Variants in ZNF180 observed in about 807,000 individuals in gnomAD.
ZNF180 encodes zinc finger protein 180 (HHZ168).
A neutral mutation model predicts 11.8 loss-of-function variants in ZNF180; 11 were observed. The observed-to-expected ratio is 0.93, with a 90% CI of 0.59 to 1.55. ZNF180 has a LOEUF of 1.55. ZNF180 is among the 40% of genes most tolerant of loss of function. The pLI is 0.00. For synonymous variants in ZNF180, 287 were observed against 257.7 expected (o/e 1.11, Z -1.09); for missense variants, 773 against 781.7 (o/e 0.99, Z 0.13).
rs1386974443 is a variant in ZNF180 at position 44,474,989 on chromosome 19, T to C, written c.*1413A>G. 1 of 152,234 alleles carries C rather than the reference T, an allele frequency of 6.6e-6. No individual in the cohort carries two copies. The highest frequency in any genetic ancestry group is 1.5e-5 in the Non-Finnish European group (1 of 68,042). 9.4% of individuals were successfully genotyped at this position (152,234 alleles called of 1,614,324 possible). A position where few individuals can be genotyped will look rare whatever the true frequency, so the allele number is the denominator to read the frequency against. On this transcript the variant is annotated 3_prime_UTR_variant, in exon 5 of 5. Coordinates refer to ENST00000592529, the MANE Select transcript of ZNF180 (RefSeq NM_001278509.3). The stretch of plus-strand genomic sequence containing the variant: ...CATAGGGATAGAATTTTGCTAAGGA[T>C]AACCCCATCAGTTACCCTTTAAGTT...
At chr19:44,498,501 A>G (rs1412285616) in intron 1 of ZNF180, among the ~76,000 whole-genome samples, 2 of 152,056 alleles carry the variant, frequency 1.3e-5, no homozygotes, top group East Asian at 1.9e-4. Context: ...ATTCTGACCA[A>G]ACATCTTTCG....
Position 44,476,948 on chromosome 19 carries a change from A to G in ZNF180, c.1452T>C (p.His484=), listed in dbSNP as rs777979231. The G allele has an allele frequency of 1.3e-5, 21 of 1,613,880 alleles. No individual in the cohort carries two copies. Among genetic ancestry groups the G allele is most frequent in the Middle Eastern group, 1.6e-4 (1 of 6,084 alleles). Reference sequence around the variant, plus strand: ...GTTTTTCTCCTGTGTGAGTTCTCTGATGAGCAACAAGTTTATAACTTTGAC... The same window carrying G: ...GTTTTTCTCCTGTGTGAGTTCTCTGGTGAGCAACAAGTTTATAACTTTGAC... ...SFSQSYKLVA[H]QRTHTGEKPF... The change falls in exon 5 of 5, where the codon CAT becomes CAC. Residue 484 remains histidine (H), a synonymous_variant. Coordinates refer to ENST00000592529, the MANE Select transcript of ZNF180 (RefSeq NM_001278509.3).
At chr19:44,484,650 C>T (rs1970176330) in intron 2 of ZNF180, 1 of 575,628 alleles carries the variant, frequency 1.7e-6, no homozygotes, top group Non-Finnish European at 3.1e-6. Context: ...CCACAGATAC[C>T]TGGACATGAG....
rs763705658 is a variant in ZNF180, at chr19:44,476,672, C to T, written c.1728G>A (p.Lys576=). The T allele has an allele frequency of 1.9e-6, 3 of 1,614,074 alleles. No individual in the cohort carries two copies. Among genetic ancestry groups the T allele is most frequent in the East Asian group, 2.2e-5 (1 of 44,872 alleles). The change falls in exon 5 of 5, where the codon AAG becomes AAA. Residue 576 remains lysine, a synonymous_variant. Transcript: ENST00000592529. Reference sequence around the variant, plus strand: ...TCCCACATTGACTGCATTCATAGGGCTTTTCTCCAGTATGAGTTCTCTGAT... The same window carrying T: ...TCCCACATTGACTGCATTCATAGGGTTTTTCTCCAGTATGAGTTCTCTGAT... ...VVHQRTHTGE[K]PYECSQCGKS...
At chr19:44,480,175 T>TA (rs1970041512) in intron 3 of ZNF180, among the ~76,000 whole-genome samples, 4 of 152,182 alleles carry the variant, frequency 2.6e-5, no homozygotes, top group Non-Finnish European at 5.9e-5. Context: ...GGCACAATCA[T>TA]GGCTCACTGC....
At position 44,497,264 on chromosome 19, in the gene ZNF180, A is replaced by C; in HGVS notation, c.51+20T>G. The C allele has an allele frequency of 1.3e-6, 2 of 1,546,224 alleles. No individual in the cohort carries two copies. Among genetic ancestry groups the C allele is most frequent in the Non-Finnish European group, 1.7e-6 (2 of 1,153,478 alleles). Reference sequence around the variant, plus strand: ...GAGGGTCAGGCTGCAGACAGACCCAAGCTCTGGGTCTCCACTCACCTGTGC... The same window carrying C: ...GAGGGTCAGGCTGCAGACAGACCCACGCTCTGGGTCTCCACTCACCTGTGC... On this transcript the variant is annotated intron_variant, in intron 2 of 4. Transcript: ENST00000592529.
intron 2 of ZNF180, chr19:44,484,821 C>A: frequency 1.0e-5 from 2 of 191,526 alleles, no homozygotes; most frequent in Non-Finnish European, 2.2e-5. Context: ...TACAGCATAA[C>A]CAATGCCAGA....
intron 2 of ZNF180, among the ~76,000 whole-genome samples, chr19:44,492,778 T>TG (rs60056249): frequency 0.31 from 46,461 of 152,026 alleles, 7,885 homozygotes; most frequent in African/African-American, 0.44. Flanking sequence ...AGCTTTGCTT[T>TG]GGGGGTCTAC....
intron 2 of ZNF180, among the ~76,000 whole-genome samples, chr19:44,487,462 C>T (rs943247565): frequency 9.9e-5 from 15 of 152,184 alleles, no homozygotes; most frequent in Admixed American, 3.9e-4. Flanking sequence ...GACAGGGTCT[C>T]GTCATGTTGC....
Position 44,477,691 on chromosome 19 carries a change from T to C in ZNF180, c.709A>G (p.Thr237Ala), listed in dbSNP as rs768905733. The change falls in exon 5 of 5, where the codon ACA becomes GCA. Residue 237 changes from threonine (T) to alanine (A), a missense_variant. Physicochemically the swap from Thr to Ala is moderately conservative, Grantham distance 58 (BLOSUM62 0). Transcript: ENST00000592529. ...PPQSIHLIQF[T>A]RTQTKDKSYG... ...GATTTATCTTTTGTTTGAGTTCTTG[T>C]AAACTGAATAAGGTGAATGCTCTGA... 2.8e-5 allele frequency: 45 copies of C among 1,613,920 alleles called. No individual in the cohort carries two copies. The highest frequency in any genetic ancestry group is 3.6e-5 in the Non-Finnish European group (43 of 1,179,936).
intron 2 of ZNF180, among the ~76,000 whole-genome samples, chr19:44,494,463 G>A (rs997024422): frequency 2.0e-5 from 3 of 152,092 alleles, no homozygotes; most frequent in African/African-American, 7.2e-5. Flanking sequence ...CCAGGAGTTC[G>A]AGACCAGCCT....
At position 44,476,766 on chromosome 19, in the gene ZNF180, G is replaced by C; in HGVS notation, c.1634C>G (p.Thr545Ser). The change falls in exon 5 of 5, where the codon ACT (threonine) becomes AGT (serine). Residue 545 changes from threonine (T) to serine (S), a missense_variant. Transcript: ENST00000592529. ...SHLVMHQRIHTGEKPYECNQC... is the reference protein window; with the variant it reads ...SHLVMHQRIHSGEKPYECNQC... ...ATTACATTCATACGGTTTTTCCCCA[G>C]TGTGAATTCTCTGATGCATAACAAG... The C allele has an allele frequency of 6.2e-7, 1 of 1,614,148 alleles. No individual in the cohort carries two copies. The highest frequency in any genetic ancestry group is 2.2e-5 in the East Asian group (1 of 44,874).
Position 44,475,861 on chromosome 19 carries a change from T to C in ZNF180, c.*541A>G, listed in dbSNP as rs995628944. 1 of 152,294 alleles carries C rather than the reference T, an allele frequency of 6.6e-6. No individual in the cohort carries two copies. Among genetic ancestry groups the C allele is most frequent in the African/African-American group, 2.4e-5 (1 of 41,462 alleles). 9.4% of individuals were successfully genotyped at this position (152,294 alleles called of 1,614,324 possible). On this transcript the variant is annotated 3_prime_UTR_variant, in exon 5 of 5. Coordinates refer to ENST00000592529, the MANE Select transcript of ZNF180 (RefSeq NM_001278509.3). The stretch of plus-strand genomic sequence containing the variant: ...TTTTCACTATATATCATAGACACTT[T>C]CCTAAAATTTATAAAATCTTCACAT...
Position 44,485,046 on chromosome 19 carries a change from A to G in ZNF180, c.52-611T>C, listed in dbSNP as rs181736183. ...CATGGTGACACGCACCTGTAGTCCC[A>G]GCTACTTGGGAGGCTGAGGCAGGAG... is the stretch of plus-strand genomic sequence containing the variant. On this transcript the variant is annotated intron_variant, in intron 2 of 4. Transcript: ENST00000592529. The G allele has an allele frequency of 2.0e-3, 307 of 152,478 alleles. 2 individuals are homozygous for G. Among genetic ancestry groups the G allele is most frequent in the Admixed American group, 6.8e-3 (104 of 15,264 alleles). The allele number at this position is 152,478 out of a possible 1,614,324, so 9.4% of individuals were successfully genotyped here.
At chr19:44,500,065 C>G in intron 1 of ZNF180, 2 of 1,366,894 alleles carry the variant, frequency 1.5e-6, no homozygotes, top group Non-Finnish European at 2.1e-6. Flanking sequence ...AGAGCACCAC[C>G]TGACCAAGCA....
At chr19:44,494,474 G>A (rs1398533391) in intron 2 of ZNF180, among the ~76,000 whole-genome samples, 1 of 151,968 alleles carries the variant, frequency 6.6e-6, no homozygotes, top group Non-Finnish European at 1.5e-5. Context: ...AGACCAGCCT[G>A]AGCAACACAG....
chr19:44,484,209 A>T, intron 3 of ZNF180, 152 bp downstream of exon 3: 1 of 638,602 alleles, frequency 1.6e-6, no homozygotes, highest in Non-Finnish European at 2.8e-6. Context: ...CGTGTTAGCC[A>T]GGATGGTCTC....
At chr19:44,490,292 C>T (rs1307455915) in intron 2 of ZNF180, among the ~76,000 whole-genome samples, 2 of 152,228 alleles carry the variant, frequency 1.3e-5, no homozygotes, top group Non-Finnish European at 2.9e-5. Context: ...AGTGGGATTA[C>T]AGGCGTGAGT....
Position 44,477,270 on chromosome 19 carries a change from G to T in ZNF180, c.1130C>A (p.Thr377Asn), listed in dbSNP as rs148457972. 2.0e-5 allele frequency: 33 copies of T among 1,614,120 alleles called. No individual in the cohort carries two copies. Among genetic ancestry groups the T allele is most frequent in the Non-Finnish European group, 2.6e-5 (31 of 1,179,988 alleles). Residue 377 changes from threonine (T) to asparagine (N), a missense_variant, in exon 5 of 5, where the codon ACT becomes AAT. By Grantham distance (65) the Thr-to-Asn change is moderately conservative. Transcript: ENST00000592529. ...ATTACACCTGTAAGGTTTCTCTCCA[G>T]TATGAGTTCTCTGATGGGAAACAAG... Reference protein sequence around the residue: ...SHLVSHQRTHTGEKPYRCNQC... With the variant: ...SHLVSHQRTHNGEKPYRCNQC...
Sources: gnomAD v4.1 joint callset for allele counts (sites outside exome capture counted in the v4.1 genomes callset) on GRCh38, gnomAD v4.1.1 for gene constraint, MANE v1.5 for transcripts, NCBI Gene and HGNC (gene_info 2026-07-23, HGNC 2026-07-21) for gene names.